Variants in COL25A1 observed in about 807,000 individuals in gnomAD.
COL25A1 encodes the protein collagen alpha-1(XXV) chain.
In COL25A1, 103 loss-of-function variants were observed where a neutral mutation model predicts 128.4. The observed-to-expected ratio is 0.80, with a 90% CI of 0.68 to 0.94. COL25A1 has a LOEUF of 0.94. Ranked by LOEUF, COL25A1 falls within the 40% of genes least tolerant of loss-of-function variation. The pLI is 0.00. For synonymous variants in COL25A1, 279 were observed against 277.2 expected (o/e 1.01, Z -0.06); for missense variants, 745 against 840.0 (o/e 0.89, Z 1.40).
intron 3 of COL25A1, among the ~76,000 whole-genome samples, chr4:109,081,138 C>A (rs536559498): frequency 1.3e-5 from 2 of 152,258 alleles, no homozygotes; most frequent in East Asian, 3.9e-4. Context: ...CTCTGCCTCA[C>A]ACGTATGAAT....
In COL25A1 at chr4:109,234,401, C is replaced by A. The variant is rs553127998; in HGVS notation, c.367+66182G>T. On this transcript the variant is annotated intron_variant, in intron 3 of 37. Coordinates refer to ENST00000399132, the MANE Select transcript of COL25A1 (RefSeq NM_198721.4). The stretch of plus-strand genomic sequence containing the variant: ...AATGTTTAAAGTAAGCCAACTATGG[C>A]AATTTCTTCTCTGTTGACAATTGTT... Among the ~76,000 whole-genome samples, 17 of 152,210 alleles carry A rather than the reference C, an allele frequency of 1.1e-4. No homozygotes were observed. In the South Asian group the frequency reaches 1.4e-3, roughly 13 times the overall value.
chr4:109,049,762 C>T (rs1415770354), intron 4 of COL25A1, among the ~76,000 whole-genome samples: 1 of 152,106 alleles, frequency 6.6e-6, no homozygotes, highest in Non-Finnish European at 1.5e-5. Context: ...TTGCAAAGGA[C>T]CTACATTGAC....
At chr4:109,216,296 A>C (rs866209146) in intron 3 of COL25A1, among the ~76,000 whole-genome samples, 1 of 128,506 alleles carries the variant, frequency 7.8e-6, no homozygotes, top group Non-Finnish European at 1.6e-5. Flanking sequence ...GAAGGAAGGA[A>C]GGACGGAAGG....
chr4:109,191,842 C>T (rs182929470), intron 3 of COL25A1, among the ~76,000 whole-genome samples: 1 of 152,262 alleles, frequency 6.6e-6, no homozygotes, highest in East Asian at 1.9e-4. Context: ...TGGAGAAACA[C>T]AAGATTCAAT....
intron 37 of COL25A1, among the ~76,000 whole-genome samples, chr4:108,816,620 T>TA (rs1731276130): frequency 6.6e-6 from 1 of 152,288 alleles, no homozygotes; most frequent in African/African-American, 2.4e-5. Context: ...ACTGTTGCTT[T>TA]CCATTGTCTC....
At chr4:108,931,285 C>T (rs145509635) in intron 11 of COL25A1, among the ~76,000 whole-genome samples, 60 of 152,216 alleles carry the variant, frequency 3.9e-4, no homozygotes, top group Non-Finnish European at 6.3e-4. Context: ...GAAATCATGC[C>T]GTTTAGTTTC....
At chr4:109,249,882 T>C (rs1455226010) in intron 3 of COL25A1, among the ~76,000 whole-genome samples, 2 of 152,192 alleles carry the variant, frequency 1.3e-5, no homozygotes, top group African/African-American at 2.4e-5. Flanking sequence ...TATTATACTT[T>C]GCAAATTCAC....
At position 108,819,454 on chromosome 4, in the gene COL25A1, TC is replaced by T. The variant is rs879056115; in HGVS notation, c.1846-126del. 5.0e-5 allele frequency: 36 copies of T among 716,060 alleles called. No individual in the cohort carries two copies. In the South Asian group the frequency reaches 6.2e-4, roughly 12 times the overall value. The allele number at this position is 716,060 out of a possible 1,614,324, so 44.4% of individuals were successfully genotyped here. ...AGCAACTCTGAAGGGAAAAGTAACA[TC>T]CAGTGAAGTTGGGCAAAGTAAAATG... On this transcript the variant is annotated intron_variant, in intron 35 of 37. Transcript: ENST00000399132.
At chr4:108,983,866 A>T (rs1034087244) in intron 6 of COL25A1, among the ~76,000 whole-genome samples, 1 of 152,152 alleles carries the variant, frequency 6.6e-6, no homozygotes, top group Non-Finnish European at 1.5e-5. Context: ...CCGAAGAGTG[A>T]GCAGCAGCAG....
At chr4:108,937,680 T>C in intron 11 of COL25A1, 128 bp downstream of exon 11, 1 of 692,862 alleles carries the variant, frequency 1.4e-6, no homozygotes, top group African/African-American at 1.9e-5. Flanking sequence ...ATATTACTTT[T>C]AACTTTTACT....
intron 5 of COL25A1, among the ~76,000 whole-genome samples, chr4:109,031,871 C>T (rs946369019): frequency 1.3e-5 from 2 of 152,182 alleles, no homozygotes; most frequent in African/African-American, 4.8e-5. Flanking sequence ...TCAGCTTTCA[C>T]CTCTTTCCAA....
rs56805092 is a variant in COL25A1, at chr4:108,889,771, T to C, written c.907-38A>G. On this transcript the variant is annotated intron_variant, in intron 16 of 37. Transcript: ENST00000399132. ...CCAGGAGAGATTATCTCACAAGTTA[T>C]GGGAATAGGAAACATCACAAGCACT... 1.4e-3 allele frequency: 2,251 copies of C among 1,594,018 alleles called. 24 individuals are homozygous for C. In the African/African-American group the frequency reaches 0.025, roughly 18 times the overall value.
At chr4:109,134,275 G>C (rs1769498367) in intron 3 of COL25A1, among the ~76,000 whole-genome samples, 1 of 151,392 alleles carries the variant, frequency 6.6e-6, no homozygotes, top group Non-Finnish European at 1.5e-5. Flanking sequence ...GTAGATAATT[G>C]CTCTGGCAAC....
At chr4:108,983,948 G>T (rs1055962564) in intron 6 of COL25A1, among the ~76,000 whole-genome samples, 4 of 152,128 alleles carry the variant, frequency 2.6e-5, no homozygotes, top group African/African-American at 9.7e-5. Context: ...TGCCACTGCT[G>T]ACTCGGGCAG....
chr4:109,018,592 G>A (rs1407321293), intron 5 of COL25A1, among the ~76,000 whole-genome samples: 3 of 152,110 alleles, frequency 2.0e-5, no homozygotes, highest in Admixed American at 6.5e-5. Context: ...GCCAGTTAGT[G>A]GAACAGATGT....
chr4:108,931,022 A>G (rs1279012164), intron 11 of COL25A1, among the ~76,000 whole-genome samples: 1 of 152,212 alleles, frequency 6.6e-6, no homozygotes, highest in Non-Finnish European at 1.5e-5. Flanking sequence ...TTCTCATACA[A>G]GAGTCACTTA....
chr4:109,011,676 G>C (rs1367542430), intron 5 of COL25A1, among the ~76,000 whole-genome samples: 1 of 152,192 alleles, frequency 6.6e-6, no homozygotes, highest in Non-Finnish European at 1.5e-5. Context: ...AGAAAAGCCA[G>C]AATTTAAACC....
At chr4:108,942,121 C>T in intron 8 of COL25A1, 11 of 1,347,582 alleles carry the variant, frequency 8.2e-6, no homozygotes, top group Non-Finnish European at 1.0e-5. Flanking sequence ...AGGAAGCCAA[C>T]GGGCTCGGCA....
intron 33 of COL25A1, among the ~76,000 whole-genome samples, chr4:108,826,289 G>A (rs1299924977): frequency 6.6e-6 from 1 of 152,152 alleles, no homozygotes; most frequent in Non-Finnish European, 1.5e-5. Flanking sequence ...TATAAATCGA[G>A]CACTTTGAGA....
Sources: gnomAD v4.1 joint callset for allele counts (sites outside exome capture counted in the v4.1 genomes callset) on GRCh38, gnomAD v4.1.1 for gene constraint, MANE v1.5 for transcripts, NCBI Gene and HGNC (gene_info 2026-07-23, HGNC 2026-07-21) for gene names.